Variants in TMEM178B observed in about 807,000 individuals in gnomAD.
The protein encoded by TMEM178B is transmembrane protein 178B.
Under a neutral mutation model 31.0 loss-of-function variants are expected in TMEM178B, and 5 were observed. The ratio of observed to expected loss-of-function variants is 0.16; its 90% confidence interval spans 0.08 to 0.34. The LOEUF (loss-of-function observed/expected upper bound fraction) is 0.34. TMEM178B is among the 10% of genes least tolerant of loss of function. The pLI, the probability that TMEM178B is intolerant of heterozygous loss-of-function variation, is 1.00. For synonymous variants in TMEM178B, 164 were observed against 164.0 expected, an observed-to-expected ratio of 1.00 and a Z score of 0.00; for missense variants, 275 against 400.3, an observed-to-expected ratio of 0.69 and a Z score of 2.67.
intron 2 of TMEM178B, among the ~76,000 whole-genome samples, chr7:141,354,437 T>C (rs538513965): frequency 2.7e-5 from 4 of 149,742 alleles, no homozygotes; most frequent in Non-Finnish European, 4.5e-5. Flanking sequence ...ACCTCAAATT[T>C]GGCACAGCAG....
chr7:141,481,533 G>A (rs896653485), downstream of TMEM178B, among the ~76,000 whole-genome samples: 6 of 152,210 alleles, frequency 3.9e-5, no homozygotes, highest in African/African-American at 1.4e-4. Flanking sequence ...TCTGTGGAAA[G>A]ATGGGCACAG....
At chr7:141,093,095 G>A (rs1341886797) in intron 1 of TMEM178B, among the ~76,000 whole-genome samples, 1 of 152,176 alleles carries the variant, frequency 6.6e-6, no homozygotes, top group East Asian at 1.9e-4. Flanking sequence ...TTGAGAAGAG[G>A]AGCGATGTGA....
chr7:141,264,756 A>T (rs1410493622), intron 2 of TMEM178B, among the ~76,000 whole-genome samples: 1 of 152,238 alleles, frequency 6.6e-6, no homozygotes, highest in African/African-American at 2.4e-5. Context: ...CACAGTTGGA[A>T]ATAACTTGCT....
At chr7:141,377,802 T>G (rs1171764543) in intron 2 of TMEM178B, among the ~76,000 whole-genome samples, 1 of 152,222 alleles carries the variant, frequency 6.6e-6, no homozygotes, top group Non-Finnish European at 1.5e-5. Flanking sequence ...AAATAAATTT[T>G]TATTTGGGAG....
chr7:141,079,006 G>T (rs569220760), intron 1 of TMEM178B, among the ~76,000 whole-genome samples: 2 of 152,302 alleles, frequency 1.3e-5, no homozygotes, highest in South Asian at 2.1e-4. Context: ...AATAAAATAG[G>T]CTGGGCACAG....
intron 1 of TMEM178B, among the ~76,000 whole-genome samples, chr7:141,160,850 T>G (rs1014360925): frequency 3.9e-5 from 6 of 152,084 alleles, no homozygotes; most frequent in Non-Finnish European, 7.4e-5. Context: ...ACATTTTTAT[T>G]GGATTTCTTT....
At chr7:141,157,224 A>G (rs1026184694) in intron 1 of TMEM178B, among the ~76,000 whole-genome samples, 3 of 152,098 alleles carry the variant, frequency 2.0e-5, no homozygotes, top group African/African-American at 4.8e-5. Context: ...TCTTGGTGCA[A>G]ACTACCAAGT....
chr7:141,172,769 G>A (rs1317298692), intron 1 of TMEM178B, among the ~76,000 whole-genome samples: 1 of 152,188 alleles, frequency 6.6e-6, no homozygotes, highest in African/African-American at 2.4e-5. Flanking sequence ...CTAGTCTGCT[G>A]TACTTAATTT....
At chr7:141,090,068 G>C (rs1374089353) in intron 1 of TMEM178B, among the ~76,000 whole-genome samples, 2 of 151,906 alleles carry the variant, frequency 1.3e-5, no homozygotes, top group African/African-American at 4.8e-5. Flanking sequence ...TACCCTTCTT[G>C]CCTTTCCCAG....
the TMEM178B span, among the ~76,000 whole-genome samples, chr7:141,486,978 CT>C: frequency 6.6e-6 from 1 of 152,094 alleles, no homozygotes; most frequent in African/African-American, 2.4e-5. Flanking sequence ...GGGGAAAGAT[CT>C]GCACTCTAGG....
At position 141,318,004 on chromosome 7, in the gene TMEM178B, T is replaced by TA. The variant is rs899528390; in HGVS notation, c.496+105307dup. 6.6e-6 allele frequency among the ~76,000 whole-genome samples: 1 copy of TA among 152,172 alleles called. No homozygotes were observed. Among genetic ancestry groups the TA allele is most frequent in the African/African-American group, 2.4e-5 (1 of 41,458 alleles). On this transcript the variant is annotated intron_variant, in intron 2 of 3. Transcript: ENST00000565468. The surrounding 1 kb of genome is among the most constrained non-coding windows in gnomAD (Gnocchi z 4.1). ...TAATTTATTTTATTAGATTTTGGCT[T>TA]AAAAAAAGAAGATGGGTGTTTGGGG...
intron 1 of TMEM178B, among the ~76,000 whole-genome samples, chr7:141,193,258 A>G (rs981178441): frequency 3.3e-5 from 5 of 152,204 alleles, no homozygotes; most frequent in African/African-American, 4.8e-5. Flanking sequence ...TGTTCACCAC[A>G]GTGAATGGAG....
At chr7:141,246,908 C>T (rs970316831) in intron 2 of TMEM178B, among the ~76,000 whole-genome samples, 5 of 152,126 alleles carry the variant, frequency 3.3e-5, no homozygotes, top group African/African-American at 1.2e-4. Flanking sequence ...ACCAAGCATT[C>T]CTTCTTTAAA....
At chr7:141,285,183 C>T (rs190104296) in intron 2 of TMEM178B, among the ~76,000 whole-genome samples, 31 of 100,222 alleles carry the variant, frequency 3.1e-4, no homozygotes, top group Non-Finnish European at 4.2e-4. Flanking sequence ...TTTTTTGAGA[C>T]GTAGTCTCGC....
chr7:141,472,734 C>G lies in TMEM178B; in HGVS notation c.*1948C>G, dbSNP rs962208207. 6 of 152,430 alleles carry G rather than the reference C, an allele frequency of 3.9e-5. No homozygotes were observed. Among genetic ancestry groups the G allele is most frequent in the African/African-American group, 1.4e-4 (6 of 41,582 alleles). 9.4% of individuals were successfully genotyped at this position (152,430 alleles called of 1,614,324 possible). A position where few individuals can be genotyped will look rare whatever the true frequency, so the allele number is the denominator to read the frequency against. ...CCTACCACTCTCCTCCTTTTCTCAC[C>G]TACTAACCACTTACCTTCTCTCTCT... On this transcript the variant is annotated 3_prime_UTR_variant, in exon 4 of 4. Transcript: ENST00000565468.
At chr7:141,470,387 G>T in intron 3 of TMEM178B, 149 bp from the exon 4 acceptor site, 1 of 702,996 alleles carries the variant, frequency 1.4e-6, no homozygotes, top group Admixed American at 3.4e-5. Flanking sequence ...ACTGACCTTG[G>T]TGATAACCTG....
Position 141,331,318 on chromosome 7 carries a change from G to A in TMEM178B, c.497-106290G>A, listed in dbSNP as rs139304780. On this transcript the variant is annotated intron_variant, in intron 2 of 3. Transcript: ENST00000565468. ...ATCCTGGGCACTTGAAAGTTAAGAC[G>A]CAAAGGTGATCAGGGACGAGCAGCA... Among the ~76,000 whole-genome samples, 36 of 152,296 alleles carry A rather than the reference G, an allele frequency of 2.4e-4. No individual in the cohort carries two copies. The South Asian group carries it at 6.0e-3, about 25-fold the overall frequency.
chr7:141,098,515 G>C (rs1284974150), intron 1 of TMEM178B, among the ~76,000 whole-genome samples: 4 of 152,228 alleles, frequency 2.6e-5, no homozygotes, highest in Non-Finnish European at 5.9e-5. Context: ...AGACCCTGAA[G>C]TTATACTGCC....
At chr7:141,305,991 C>T (rs1798809627) in intron 2 of TMEM178B, among the ~76,000 whole-genome samples, 1 of 152,130 alleles carries the variant, frequency 6.6e-6, no homozygotes, top group Non-Finnish European at 1.5e-5. Flanking sequence ...TGTCTGGTCT[C>T]TTGAAATACT....
Sources: gnomAD v4.1 joint callset for allele counts (sites outside exome capture counted in the v4.1 genomes callset) on GRCh38, gnomAD v4.1.1 for gene constraint, Gnocchi (gnomAD v3.1) non-coding constraint, MANE v1.5 for transcripts, NCBI Gene and HGNC (gene_info 2026-07-23, HGNC 2026-07-21) for gene names.